The following SLMAP variants were observed in gnomAD, a reference collection of about 807,000 sequenced individuals.
SLMAP encodes the protein sarcolemma associated protein.
SLMAP carries 44 observed loss-of-function variants against 128.8 expected under a neutral mutation model. The ratio of observed to expected loss-of-function variants is 0.34; its 90% CI spans 0.27 to 0.44. The LOEUF (loss-of-function observed/expected upper bound fraction) is 0.44. Ranked by LOEUF, SLMAP falls within the 20% of genes least tolerant of loss-of-function variation. The probability of loss-of-function intolerance (pLI) is 1.00; values close to 1 mark genes in which losing one functional copy is unlikely to be tolerated. For missense variants in SLMAP, 787 were observed against 985.3 expected (o/e 0.80, Z 2.69); for synonymous variants, 327 against 348.8 (o/e 0.94, Z 0.70).
chr3:57,786,611 C>T (rs2084186360), intron 2 of SLMAP, among the ~76,000 whole-genome samples: 1 of 147,058 alleles, frequency 6.8e-6, no homozygotes, highest in Admixed American at 6.9e-5. Flanking sequence ...GGCTGGAGTG[C>T]AGTGGCACGA....
At chr3:57,908,557 G>C (rs764396023) in intron 18 of SLMAP, among the ~76,000 whole-genome samples, 10 of 152,150 alleles carry the variant, frequency 6.6e-5, no homozygotes, top group Non-Finnish European at 1.3e-4. Flanking sequence ...TTACATCCCA[G>C]GAGGGAACTA....
At chr3:57,892,768 G>A (rs939116821) in intron 15 of SLMAP, among the ~76,000 whole-genome samples, 22 of 148,398 alleles carry the variant, frequency 1.5e-4, no homozygotes, top group African/African-American at 5.2e-4. Flanking sequence ...AACGTAACAA[G>A]ACACTGTCTC....
rs138744399 is a variant in SLMAP at position 57,912,420 on chromosome 3, G to T, written c.1739G>T (p.Arg580Leu). ...TTACACATCGATACTGAGAATCTCC[G>T]GGAGGAGAAGGACAGTGAAATCACA... is the stretch of plus-strand genomic sequence containing the variant. ...QRLHIDTENL[R>L]EEKDSEITST... The change falls in exon 20 of 25, where the codon CGG becomes CTG. Residue 580 changes from arginine (R) to leucine (L), a missense_variant. Coordinates refer to ENST00000671191, the MANE Select transcript of SLMAP (RefSeq NM_001377540.1). 2.7e-4 allele frequency: 430 copies of T among 1,613,268 alleles called. 1 individual carries two copies. The highest frequency in any genetic ancestry group is 3.0e-4 in the Non-Finnish European group (351 of 1,179,386).
chr3:57,818,642 G>A (rs1479199012), intron 2 of SLMAP, among the ~76,000 whole-genome samples: 1 of 152,130 alleles, frequency 6.6e-6, no homozygotes, highest in East Asian at 1.9e-4. Flanking sequence ...AATTTTCTTT[G>A]ATCTTGCTTT....
At chr3:57,902,703 A>C (rs1433896724) in intron 17 of SLMAP, among the ~76,000 whole-genome samples, 1 of 152,202 alleles carries the variant, frequency 6.6e-6, no homozygotes, top group Non-Finnish European at 1.5e-5. Context: ...CTATGACTCC[A>C]GCATTTGACC....
intron 24 of SLMAP, 66 bp from the exon 25 acceptor site, chr3:57,927,230 A>C (rs2097026446): frequency 2.1e-6 from 2 of 950,350 alleles, no homozygotes; most frequent in African/African-American, 1.6e-5. Flanking sequence ...TCTGGAACCA[A>C]GGGGTTAATA....
intron 2 of SLMAP, chr3:57,801,216 C>A (rs1417960732): frequency 6.6e-6 from 1 of 152,652 alleles, no homozygotes; most frequent in Non-Finnish European, 1.5e-5. Flanking sequence ...TATAGCAAAT[C>A]AGCTATATAC....
At chr3:57,808,357 C>T (rs761690878) in intron 2 of SLMAP, among the ~76,000 whole-genome samples, 10 of 151,988 alleles carry the variant, frequency 6.6e-5, no homozygotes, top group Admixed American at 3.3e-4. Context: ...GTTAGGGTGT[C>T]GATTTGAGAT....
chr3:57,886,178 A>G lies in SLMAP; in HGVS notation c.1301-3863A>G, dbSNP rs375368254. ...GAGTGCAGTGGCATGATCTCAGCTCACTGCAACCTCTGCCACCCAGGTTGA... is the reference window on the plus strand; with the variant it reads ...GAGTGCAGTGGCATGATCTCAGCTCGCTGCAACCTCTGCCACCCAGGTTGA... On this transcript the variant is annotated intron_variant, in intron 14 of 24. Coordinates refer to ENST00000671191, the MANE Select transcript of SLMAP (RefSeq NM_001377540.1). 2.7e-4 allele frequency among the ~76,000 whole-genome samples: 40 copies of G among 148,166 alleles called. 5 individuals carry two copies. The highest frequency in any genetic ancestry group is 2.2e-3 in the Admixed American group (33 of 14,676).
At chr3:57,859,416 T>C (rs555819130) in intron 8 of SLMAP, among the ~76,000 whole-genome samples, 40 of 151,324 alleles carry the variant, frequency 2.6e-4, no homozygotes, top group African/African-American at 9.2e-4. Flanking sequence ...TTGCTTAGCA[T>C]AGTGGTACAT....
chr3:57,909,012 C>T (rs2096630627), intron 18 of SLMAP, 64 bp from the exon 19 acceptor site: 9 of 1,160,584 alleles, frequency 7.8e-6, no homozygotes, highest in South Asian at 1.4e-5. Context: ...TTTTCAGCTG[C>T]TCAACTCTGA....
rs539565614 is a variant in SLMAP at position 57,851,728 on chromosome 3, A to G, written c.519+1912A>G. 1.1e-4 allele frequency among the ~76,000 whole-genome samples: 16 copies of G among 152,090 alleles called. No homozygotes were observed. In the South Asian group the frequency reaches 2.3e-3, roughly 22 times the overall value. ...TTAAACTCCTGACCTCAAGTGATCC[A>G]TCCACCTTGGCCTCCCAAAGTGCTG... On this transcript the variant is annotated intron_variant, in intron 6 of 24. Transcript: ENST00000671191.
At chr3:57,775,117 C>T (rs1293092491) in intron 2 of SLMAP, among the ~76,000 whole-genome samples, 1 of 151,392 alleles carries the variant, frequency 6.6e-6, no homozygotes, top group Non-Finnish European at 1.5e-5. Flanking sequence ...TACAGTGGCG[C>T]GATCTCGGCT....
Position 57,757,515 on chromosome 3 carries a change from T to G in SLMAP, c.-137T>G, listed in dbSNP as rs1189371790. On this transcript the variant is annotated 5_prime_UTR_variant, in exon 2 of 25. Coordinates refer to ENST00000671191, the MANE Select transcript of SLMAP (RefSeq NM_001377540.1). Reference sequence around the variant, plus strand: ...CAAGTGAAGAGTTGATGTTCACTGGTTATGCTTAGACAATGTGCAGTTTGT... The same window carrying G: ...CAAGTGAAGAGTTGATGTTCACTGGGTATGCTTAGACAATGTGCAGTTTGT... 4.1e-6 allele frequency: 3 copies of G among 738,216 alleles called. No homozygotes were observed. Among genetic ancestry groups the G allele is most frequent in the Non-Finnish European group, 6.8e-6 (3 of 439,176 alleles). The allele number at this position is 738,216 out of a possible 1,614,324, so 45.7% of individuals were successfully genotyped here.
chr3:57,871,721 A>T (rs2153617484), intron 14 of SLMAP, 23 bp downstream of exon 14: 1 of 1,562,934 alleles, frequency 6.4e-7, no homozygotes, highest in East Asian at 2.2e-5. Flanking sequence ...TATTTTTCAC[A>T]TTGATTTTAA....
At chr3:57,847,413 A>T (rs142046483) in intron 5 of SLMAP, among the ~76,000 whole-genome samples, 180 bp downstream of exon 5, 1 of 152,344 alleles carries the variant, frequency 6.6e-6, no homozygotes, top group East Asian at 1.9e-4. Context: ...TCTAAGATGG[A>T]TGTTTCTTCA....
At chr3:57,792,021 A>G (rs551807188) in intron 2 of SLMAP, among the ~76,000 whole-genome samples, 2 of 152,286 alleles carry the variant, frequency 1.3e-5, no homozygotes, top group Non-Finnish European at 2.9e-5. Context: ...TTGCATGTCA[A>G]TTATCTGTAA....
chr3:57,825,657 A>C lies in SLMAP; in HGVS notation c.199-5726A>C, dbSNP rs77751618. On this transcript the variant is annotated intron_variant, in intron 2 of 24. Transcript: ENST00000671191. ...TTGGATGAGTTCTGAGTTAGGCAAA[A>C]CAAAGATGAAAGCCTTGCACCAGTT... is the stretch of plus-strand genomic sequence containing the variant. Among the ~76,000 whole-genome samples the C allele has an allele frequency of 1.9e-3, 288 of 152,172 alleles. 3 individuals carry two copies. The East Asian group carries it at 0.03, about 16-fold the overall frequency.
At chr3:57,767,034 T>A (rs1006968064) in intron 2 of SLMAP, among the ~76,000 whole-genome samples, 3 of 152,158 alleles carry the variant, frequency 2.0e-5, no homozygotes, top group Non-Finnish European at 4.4e-5. Flanking sequence ...TTCTCCTGCC[T>A]CAGCCTCTCA....
Sources: gnomAD v4.1 joint callset for allele counts (sites outside exome capture counted in the v4.1 genomes callset) on GRCh38, gnomAD v4.1.1 for gene constraint, MANE v1.5 for transcripts, NCBI Gene and HGNC (gene_info 2026-07-23, HGNC 2026-07-21) for gene names.